Variants in HEATR6 observed in about 807,000 individuals in gnomAD.
The protein encoded by HEATR6 is HEAT repeat containing 6.
HEATR6 carries 106 observed loss-of-function variants against 132.8 expected under a neutral mutation model. The observed-to-expected ratio is 0.80, with a 90% confidence interval of 0.68 to 0.94. HEATR6 has a LOEUF of 0.94. Ranked by LOEUF, HEATR6 falls within the 40% of genes least tolerant of loss-of-function variation. The pLI is 0.00. For synonymous variants in HEATR6, 529 were observed against 537.8 expected (o/e 0.98, Z 0.23); for missense variants, 1,339 against 1,425.1 (o/e 0.94, Z 0.97).
In HEATR6 at chr17:60,061,314, T is replaced by C. The variant is rs369466447; in HGVS notation, c.1417-1218A>G. On this transcript the variant is annotated intron_variant, in intron 9 of 19. Coordinates refer to ENST00000184956, the MANE Select transcript of HEATR6 (RefSeq NM_022070.5). Reference sequence around the variant, plus strand: ...TTTATAGAGTGGAGTCGTAGAAATCTAGACTTATTGCTCTGAAGAGAAATT... The same window carrying C: ...TTTATAGAGTGGAGTCGTAGAAATCCAGACTTATTGCTCTGAAGAGAAATT... Among the ~76,000 whole-genome samples, 47 of 152,326 alleles carry C rather than the reference T, an allele frequency of 3.1e-4. No homozygotes were observed. In the East Asian group the frequency reaches 7.1e-3, roughly 23 times the overall value.
intron 11 of HEATR6, among the ~76,000 whole-genome samples, chr17:60,058,156 G>A (rs968696147): frequency 2.6e-5 from 4 of 152,166 alleles, no homozygotes; most frequent in African/African-American, 9.7e-5. Context: ...AAAATAACTT[G>A]CTGGAATTTT....
intron 2 of HEATR6, among the ~76,000 whole-genome samples, chr17:60,074,348 T>C (rs993287945): frequency 1.7e-4 from 26 of 152,188 alleles, no homozygotes; most frequent in Non-Finnish European, 8.8e-5. Context: ...CTGATAATCT[T>C]GTTGGGACAG....
In HEATR6 at chr17:60,065,656, T is replaced by G. The variant is rs1001963402; in HGVS notation, c.1416+553A>C. On this transcript the variant is annotated intron_variant, in intron 9 of 19. Transcript: ENST00000184956. Reference sequence around the variant, plus strand: ...ATCATTTTTTTCTTCTTTTTAAAAATAAGTTTTTCTCATTAAAATATGTAA... The same window carrying G: ...ATCATTTTTTTCTTCTTTTTAAAAAGAAGTTTTTCTCATTAAAATATGTAA... Among the ~76,000 whole-genome samples the G allele has an allele frequency of 5.9e-5, 9 of 152,234 alleles. No individual in the cohort carries two copies. The South Asian group carries it at 6.2e-4, about 10-fold the overall frequency.
At chr17:60,060,970 C>G (rs1453532868) in intron 9 of HEATR6, among the ~76,000 whole-genome samples, 3 of 152,106 alleles carry the variant, frequency 2.0e-5, no homozygotes, top group Non-Finnish European at 4.4e-5. Context: ...AGATTACTTT[C>G]AATTGGTACT....
At chr17:60,046,298 CT>C in intron 18 of HEATR6, 69 bp from the exon 19 acceptor site, 1 of 1,327,792 alleles carries the variant, frequency 7.5e-7, no homozygotes, top group Non-Finnish European at 1.0e-6. Context: ...CTAATTTCAG[CT>C]TTAAAAAAAC....
chr17:60,049,511 A>G (rs1906510766), intron 16 of HEATR6, 69 bp downstream of exon 16: 1 of 1,575,108 alleles, frequency 6.3e-7, no homozygotes, highest in Middle Eastern at 1.7e-4. Context: ...CAGGAGCTCT[A>G]TATCCACAAA....
intron 2 of HEATR6, chr17:60,074,254 T>C (rs1450028866): frequency 6.1e-6 from 2 of 330,182 alleles, no homozygotes; most frequent in African/African-American, 4.5e-5. Context: ...AGTGAACCAA[T>C]ATAACTGCTA....
chr17:60,067,733 C>A lies in HEATR6; in HGVS notation c.940-1G>T. On this transcript the variant is annotated splice_acceptor_variant, in intron 7 of 19. Coordinates refer to ENST00000184956, the MANE Select transcript of HEATR6 (RefSeq NM_022070.5). LOFTEE classifies it high-confidence loss of function. ...TTACTTTGGATTTTTTCTTTTTATT[C>A]TGATTGTGGGAGCAAATGAAGACAT... The A allele has an allele frequency of 6.2e-7, 1 of 1,609,454 alleles. No individual in the cohort carries two copies. Among genetic ancestry groups the A allele is most frequent in the South Asian group, 1.1e-5 (1 of 90,300 alleles).
At position 60,073,820 on chromosome 17, in the gene HEATR6, T is replaced by C. The variant is rs151009320; in HGVS notation, c.394A>G (p.Ser132Gly). 2 of 1,613,982 alleles carry C rather than the reference T, an allele frequency of 1.2e-6. No homozygotes were observed. The highest frequency in any genetic ancestry group is 1.7e-6 in the Non-Finnish European group (2 of 1,179,832). The change falls in exon 3 of 20, where the codon AGT becomes GGT. Residue 132 changes from serine to glycine, a missense_variant. Coordinates refer to ENST00000184956, the MANE Select transcript of HEATR6 (RefSeq NM_022070.5). ...AGAATTTCCCTGTGTGTCCAGGAAC[T>C]ACACTGATGAATAGCCGAAATAGTA... is the stretch of plus-strand genomic sequence containing the variant. ...AYTISAIHQC[S>G]SWTHREILQA...
rs1161811812 is a variant in HEATR6 at position 60,059,419 on chromosome 17, A to T, written c.1723+3T>A. On this transcript the variant is annotated splice_donor_region_variant and intron_variant, in intron 11 of 19. Transcript: ENST00000184956. ...AAGCCATCAGTTTTAAGCCACTACA[A>T]ACCTTTGTGGCGAATATAAGGCTTT... The T allele has an allele frequency of 6.3e-7, 1 of 1,595,328 alleles. No individual in the cohort carries two copies. The highest frequency in any genetic ancestry group is 1.7e-5 in the Admixed American group (1 of 58,650).
chr17:60,068,289 A>C (rs1285770305), intron 7 of HEATR6, among the ~76,000 whole-genome samples: 1 of 152,070 alleles, frequency 6.6e-6, no homozygotes, highest in Non-Finnish European at 1.5e-5. Flanking sequence ...AGTAGATACT[A>C]AGTAGAAGCC....
intron 11 of HEATR6, among the ~76,000 whole-genome samples, chr17:60,058,538 A>G (rs1906828564): frequency 6.6e-6 from 1 of 152,186 alleles, no homozygotes; most frequent in Admixed American, 6.5e-5. Flanking sequence ...CCTTAGGGTA[A>G]GACTTATCTT....
intron 9 of HEATR6, 99 bp downstream of exon 9, chr17:60,066,110 A>G: frequency 2.9e-6 from 3 of 1,026,982 alleles, no homozygotes; most frequent in Non-Finnish European, 4.4e-6. Flanking sequence ...AGTGTTACTA[A>G]GAGCTATATT....
chr17:60,070,841 G>A (rs780480691), intron 5 of HEATR6, 34 bp from the exon 6 acceptor site: 14 of 1,144,908 alleles, frequency 1.2e-5, no homozygotes, highest in Non-Finnish European at 1.9e-5. Flanking sequence ...TTAGAAGGCA[G>A]AATAAAATCT....
At chr17:60,050,180 A>G (rs575280751) in intron 15 of HEATR6, among the ~76,000 whole-genome samples, 1 of 152,174 alleles carries the variant, frequency 6.6e-6, no homozygotes, top group Admixed American at 6.5e-5. Context: ...TGCCCTTATG[A>G]TTGAGGCCCC....
At position 60,069,819 on chromosome 17, in the gene HEATR6, T is replaced by G; in HGVS notation, c.831A>C (p.Leu277=). Residue 277 remains leucine (L), a synonymous_variant, in exon 7 of 20, where the codon CTA becomes CTC. Coordinates refer to ENST00000184956, the MANE Select transcript of HEATR6 (RefSeq NM_022070.5). ...ATAACACCGTGGGCATCTCTATGTT[T>G]AGTCCAGGGAGTCCGTGAAACATGA... ...KKFMFHGLPG[L]NIEMPTVLYP... 2.5e-6 allele frequency: 4 copies of G among 1,614,102 alleles called. No homozygotes were observed. The highest frequency in any genetic ancestry group is 3.4e-6 in the Non-Finnish European group (4 of 1,180,020).
rs2145175869 is a variant in HEATR6, at chr17:60,043,550, T to C, written c.*13A>G. On this transcript the variant is annotated 3_prime_UTR_variant, in exon 20 of 20. Transcript: ENST00000184956. ...ACTGCCGCCTTCGACATCTAGAAAG[T>C]ATGGTGGGATCTTCACTGATTTGTT... 6.3e-7 allele frequency: 1 copy of C among 1,595,088 alleles called. No individual in the cohort carries two copies.
At chr17:60,070,915 G>GA (rs1450076256) in intron 5 of HEATR6, 108 bp from the exon 6 acceptor site, 19 of 643,818 alleles carry the variant, frequency 3.0e-5, no homozygotes, top group South Asian at 5.9e-5. Flanking sequence ...TCTAGATGAT[G>GA]AAAAAAAACT....
intron 11 of HEATR6, 85 bp downstream of exon 11, chr17:60,059,337 T>A: frequency 2.7e-6 from 2 of 733,580 alleles, no homozygotes; most frequent in Non-Finnish European, 4.5e-6. Context: ...TTTGAATATA[T>A]ACATATATCT....
Sources: gnomAD v4.1 joint callset for allele counts (sites outside exome capture counted in the v4.1 genomes callset) on GRCh38, gnomAD v4.1.1 for gene constraint, MANE v1.5 for transcripts, NCBI Gene and HGNC (gene_info 2026-07-23, HGNC 2026-07-21) for gene names.